Variants in SPAG16 observed in about 807,000 individuals in gnomAD.
The protein encoded by SPAG16 is sperm associated antigen 16.
A neutral mutation model predicts 80.4 loss-of-function variants in SPAG16; 86 were observed. That is an observed-to-expected ratio of 1.07 (90% CI 0.90 to 1.28). The LOEUF is 1.28. Among genes scored for constraint, SPAG16 ranks in the 50% most tolerant of loss-of-function variants. The pLI is 0.00. For missense variants in SPAG16, 870 were observed against 765.3 expected, an observed-to-expected ratio of 1.14 and a Z score of -1.61; for synonymous variants, 294 against 265.9, an observed-to-expected ratio of 1.11 and a Z score of -1.03.
At position 213,800,529 on chromosome 2, in the gene SPAG16, G is replaced by A. The variant is rs370888053; in HGVS notation, c.1071-61956G>A. On this transcript the variant is annotated intron_variant, in intron 10 of 15. Coordinates refer to ENST00000331683, the MANE Select transcript of SPAG16 (RefSeq NM_024532.5). ...ACTACACGTGCACACCACCATGCTC[G>A]TTTGTTTTGATTTTTTAAAAATTTT... is the stretch of plus-strand genomic sequence containing the variant. Among the ~76,000 whole-genome samples, 23 of 152,082 alleles carry A rather than the reference G, an allele frequency of 1.5e-4. No homozygotes were observed. In the East Asian group the frequency reaches 2.1e-3, roughly 14 times the overall value.
intron 14 of SPAG16, among the ~76,000 whole-genome samples, chr2:214,113,145 C>G (rs559693490): frequency 4.3e-4 from 66 of 152,030 alleles, no homozygotes; most frequent in Non-Finnish European, 8.5e-4. Context: ...GAATATTGTC[C>G]CCCACTCTCT....
chr2:214,032,401 A>G (rs1182644702), intron 13 of SPAG16, among the ~76,000 whole-genome samples: 3 of 152,242 alleles, frequency 2.0e-5, no homozygotes, highest in Non-Finnish European at 2.9e-5. Context: ...TGCTGTTTCC[A>G]TAATTAATCA....
At chr2:214,364,295 C>G (rs971789178) in intron 15 of SPAG16, among the ~76,000 whole-genome samples, 1 of 151,986 alleles carries the variant, frequency 6.6e-6, no homozygotes, top group Admixed American at 6.6e-5. Context: ...GATGTTTCTT[C>G]CATGTAAAAT....
chr2:213,803,274 C>A (rs1050159621), intron 10 of SPAG16, among the ~76,000 whole-genome samples: 1 of 152,100 alleles, frequency 6.6e-6, no homozygotes, highest in Admixed American at 6.5e-5. Flanking sequence ...ATGTCCCATT[C>A]CTTGAGAGTG....
intron 10 of SPAG16, among the ~76,000 whole-genome samples, chr2:213,697,676 G>T (rs1462023138): frequency 1.3e-5 from 2 of 152,096 alleles, no homozygotes; most frequent in African/African-American, 4.8e-5. Flanking sequence ...GTTGCTTTAT[G>T]CCACTAAGTT....
At chr2:213,838,427 C>T (rs918937073) in intron 10 of SPAG16, among the ~76,000 whole-genome samples, 3 of 152,188 alleles carry the variant, frequency 2.0e-5, no homozygotes, top group African/African-American at 7.2e-5. Context: ...TCCGCCTCGG[C>T]CTTCCAAAGT....
At chr2:213,285,789 G>A in intron 1 of SPAG16, 1 of 678,554 alleles carries the variant, frequency 1.5e-6, no homozygotes, top group South Asian at 1.6e-5. Context: ...GTGCTTTAGT[G>A]TCATAAATGA....
chr2:213,367,614 A>G (rs112403652), intron 8 of SPAG16, among the ~76,000 whole-genome samples: 18,884 of 91,980 alleles, frequency 0.21, 957 homozygotes, highest in Non-Finnish European at 0.27. Context: ...CATATCCTTC[A>G]CCCACTTGTT....
chr2:213,923,719 A>T (rs1037269695), intron 11 of SPAG16: 1 of 152,240 alleles, frequency 6.6e-6, no homozygotes, highest in African/African-American at 2.4e-5. Flanking sequence ...TCTAGCACAC[A>T]TTGATCACCT....
At chr2:213,947,390 C>T (rs1199939808) in intron 12 of SPAG16, among the ~76,000 whole-genome samples, 3 of 152,136 alleles carry the variant, frequency 2.0e-5, no homozygotes, top group East Asian at 1.9e-4. Flanking sequence ...TCTATTCTAA[C>T]GTGTGGTGGT....
intron 14 of SPAG16, among the ~76,000 whole-genome samples, chr2:214,109,323 G>A (rs986193554): frequency 1.3e-5 from 2 of 152,138 alleles, no homozygotes; most frequent in Non-Finnish European, 2.9e-5. Context: ...ATTTAAGTCT[G>A]TTCTCAGATG....
intron 10 of SPAG16, among the ~76,000 whole-genome samples, chr2:213,736,026 G>T (rs1350734192): frequency 6.6e-6 from 1 of 152,148 alleles, no homozygotes; most frequent in East Asian, 1.9e-4. Flanking sequence ...TTTGCTCAAT[G>T]TCACTGAGGT....
chr2:213,532,123 G>A (rs1041486498), intron 10 of SPAG16, among the ~76,000 whole-genome samples: 2 of 152,050 alleles, frequency 1.3e-5, no homozygotes, highest in East Asian at 3.8e-4. Context: ...TATATATGAA[G>A]TTTAGAGGAC....
chr2:213,951,964 G>T (rs72950730), intron 12 of SPAG16, among the ~76,000 whole-genome samples: 2 of 152,026 alleles, frequency 1.3e-5, no homozygotes, highest in Admixed American at 6.6e-5. Flanking sequence ...TGCATTAAAT[G>T]ATGTTATAAA....
At chr2:213,541,128 C>T (rs2076432461) in intron 10 of SPAG16, among the ~76,000 whole-genome samples, 2 of 152,278 alleles carry the variant, frequency 1.3e-5, no homozygotes, top group Non-Finnish European at 2.9e-5. Context: ...GTCATTGTTT[C>T]ATTTACGGTG....
At chr2:213,969,617 T>A (rs1486640041) in intron 12 of SPAG16, among the ~76,000 whole-genome samples, 1 of 152,196 alleles carries the variant, frequency 6.6e-6, no homozygotes, top group Non-Finnish European at 1.5e-5. Flanking sequence ...TACTAGGACC[T>A]CATCAAATAC....
At chr2:213,435,551 A>G (rs1322098786) in intron 9 of SPAG16, among the ~76,000 whole-genome samples, 1 of 152,228 alleles carries the variant, frequency 6.6e-6, no homozygotes, top group Non-Finnish European at 1.5e-5. Context: ...AGAAGAGAAA[A>G]TATTGTAATC....
intron 15 of SPAG16, among the ~76,000 whole-genome samples, chr2:214,208,924 T>G (rs995284163): frequency 2.0e-5 from 3 of 152,216 alleles, no homozygotes; most frequent in African/African-American, 4.8e-5. Context: ...TAGTAAACTT[T>G]CAGTAGTTAA....
chr2:214,083,954 C>T (rs2125275161), intron 13 of SPAG16, among the ~76,000 whole-genome samples: 1 of 152,166 alleles, frequency 6.6e-6, no homozygotes, highest in East Asian at 1.9e-4. Flanking sequence ...TTCCTCATAG[C>T]AATTCCTACC....
Sources: gnomAD v4.1 joint callset for allele counts (sites outside exome capture counted in the v4.1 genomes callset) on GRCh38, gnomAD v4.1.1 for gene constraint, MANE v1.5 for transcripts, NCBI Gene and HGNC (gene_info 2026-07-23, HGNC 2026-07-21) for gene names.